Variants in CSMD1 observed in about 807,000 individuals in gnomAD.
CSMD1 encodes the protein CUB and Sushi multiple domains 1, also known as CUB and sushi domain-containing protein 1.
A neutral mutation model predicts 417.5 loss-of-function variants in CSMD1; 213 were observed. The ratio of observed to expected loss-of-function variants is 0.51; its 90% confidence interval spans 0.46 to 0.57. The LOEUF (loss-of-function observed/expected upper bound fraction) is 0.57. Ranked by LOEUF, CSMD1 falls within the 20% of genes least tolerant of loss-of-function variation. The pLI is 0.00. For synonymous variants in CSMD1, 2,862 were observed against 1,736.8 expected (o/e 1.65, Z -16.11); for missense variants, 6,923 against 4,529.7 (o/e 1.53, Z -15.17).
intron 1 of CSMD1, among the ~76,000 whole-genome samples, chr8:4,724,279 C>T (rs1291890794): frequency 6.6e-6 from 1 of 151,948 alleles, no homozygotes; most frequent in Non-Finnish European, 1.5e-5. Context: ...GATATATAAG[C>T]TATGTCAAAT....
intron 5 of CSMD1, among the ~76,000 whole-genome samples, chr8:3,868,753 A>C (rs1563161115): frequency 6.6e-6 from 1 of 152,160 alleles, no homozygotes; most frequent in African/African-American, 2.4e-5. Context: ...ACCCACATCC[A>C]ACACATCAGC....
intron 3 of CSMD1, among the ~76,000 whole-genome samples, chr8:4,055,867 A>G (rs370141507): frequency 1.1e-4 from 17 of 152,100 alleles, no homozygotes; most frequent in Admixed American, 9.2e-4. Context: ...GCTTATTTAA[A>G]CATACCAAAA....
chr8:4,190,480 A>T (rs533750058), intron 3 of CSMD1, among the ~76,000 whole-genome samples: 1 of 152,154 alleles, frequency 6.6e-6, no homozygotes, highest in East Asian at 1.9e-4. Context: ...AGTATTTCGT[A>T]AGTTAACCAA....
intron 11 of CSMD1, among the ~76,000 whole-genome samples, chr8:3,472,990 A>C (rs996943870): frequency 1.3e-5 from 2 of 151,846 alleles, no homozygotes; most frequent in African/African-American, 4.8e-5. Context: ...CACCCACCCC[A>C]CCAAAGTAGG....
chr8:4,384,934 C>T (rs77990713), intron 3 of CSMD1, among the ~76,000 whole-genome samples: 8 of 152,146 alleles, frequency 5.3e-5, no homozygotes, highest in Non-Finnish European at 1.2e-4. Context: ...AGGTAATCAT[C>T]TTCACATCAG....
At chr8:3,955,601 A>G (rs1811887497) in intron 5 of CSMD1, among the ~76,000 whole-genome samples, 1 of 152,096 alleles carries the variant, frequency 6.6e-6, no homozygotes, top group Non-Finnish European at 1.5e-5. Context: ...GCCCTGCTCC[A>G]TTTTGTAGTA....
At chr8:4,256,480 A>G (rs1338722330) in intron 3 of CSMD1, among the ~76,000 whole-genome samples, 2 of 152,240 alleles carry the variant, frequency 1.3e-5, no homozygotes, top group South Asian at 4.1e-4. Flanking sequence ...GAGTACTGGT[A>G]AAGGGAGGTT....
At position 4,419,943 on chromosome 8, in the gene CSMD1, A is replaced by T. The variant is rs775804528; in HGVS notation, c.415+10T>A. 2 of 1,535,950 alleles carry T rather than the reference A, an allele frequency of 1.3e-6. No individual in the cohort carries two copies. Among genetic ancestry groups the T allele is most frequent in the South Asian group, 2.4e-5 (2 of 84,304 alleles). ...GTGAATGCATGTGCAAAACACAACC[A>T]ATCTCCTACCTTCATATAATGCTTT... On this transcript the variant is annotated intron_variant, in intron 3 of 69. Transcript: ENST00000635120.
intron 23 of CSMD1, among the ~76,000 whole-genome samples, chr8:3,341,349 C>T (rs989432253): frequency 1.3e-5 from 2 of 152,164 alleles, no homozygotes; most frequent in African/African-American, 2.4e-5. Context: ...TGATTCCAAG[C>T]CCCTGAAATT....
At chr8:3,562,183 G>C (rs917934286) in intron 10 of CSMD1, among the ~76,000 whole-genome samples, 1 of 152,078 alleles carries the variant, frequency 6.6e-6, no homozygotes, top group Non-Finnish European at 1.5e-5. Flanking sequence ...GGTGGGGAAA[G>C]ATGGAAAGTG....
chr8:4,458,447 GAAGTTA>G (rs1349549051), intron 2 of CSMD1, among the ~76,000 whole-genome samples: 15 of 152,146 alleles, frequency 9.9e-5, no homozygotes, highest in Non-Finnish European at 1.9e-4. Context: ...AAAACAGTCT[GAAGTTA>G]AAGTTATGTG....
intron 3 of CSMD1, among the ~76,000 whole-genome samples, chr8:4,400,951 AATATT>A (rs1412606068): frequency 3.9e-4 from 31 of 79,604 alleles, no homozygotes; most frequent in Non-Finnish European, 5.9e-4. Context: ...TATTTTAGAT[AATATT>A]ATGTCTTATA....
intron 1 of CSMD1, among the ~76,000 whole-genome samples, chr8:4,765,450 A>C (rs926215095): frequency 2.0e-5 from 3 of 152,248 alleles, no homozygotes; most frequent in African/African-American, 7.2e-5. Flanking sequence ...AGCGTAATTC[A>C]ATTAAATGCA....
intron 27 of CSMD1, among the ~76,000 whole-genome samples, chr8:3,228,208 A>T (rs747171711): frequency 3.3e-5 from 5 of 152,328 alleles, no homozygotes; most frequent in African/African-American, 4.8e-5. Context: ...AAATGTCTTC[A>T]GTAAAATGTA....
At chr8:3,828,418 G>T (rs903887768) in intron 5 of CSMD1, among the ~76,000 whole-genome samples, 1 of 151,720 alleles carries the variant, frequency 6.6e-6, no homozygotes, top group Admixed American at 6.6e-5. Context: ...TATTGCAACA[G>T]CCTCTGACTT....
chr8:4,934,342 A>G (rs35253816), intron 1 of CSMD1, among the ~76,000 whole-genome samples: 46,992 of 152,124 alleles, frequency 0.31, 8,202 homozygotes, highest in Non-Finnish European at 0.4. Flanking sequence ...TATGTATTAA[A>G]TTCAAAATTA....
chr8:4,792,569 T>C (rs1003971661), intron 1 of CSMD1, among the ~76,000 whole-genome samples: 4 of 152,170 alleles, frequency 2.6e-5, no homozygotes, highest in Admixed American at 2.6e-4. Context: ...ACTCAACAGT[T>C]GTCAGCACGT....
intron 3 of CSMD1, among the ~76,000 whole-genome samples, chr8:4,403,365 A>C (rs1224082835): frequency 6.6e-6 from 1 of 152,090 alleles, no homozygotes; most frequent in East Asian, 1.9e-4. Flanking sequence ...GGAAGTCTCT[A>C]CTTGACCTCT....
At chr8:4,088,226 C>T (rs1037777150) in intron 3 of CSMD1, among the ~76,000 whole-genome samples, 1 of 152,168 alleles carries the variant, frequency 6.6e-6, no homozygotes, top group Admixed American at 6.5e-5. Flanking sequence ...CTCTGCCTTC[C>T]TGGCTCTCAG....
Sources: allele counts gnomAD v4.1 joint callset (sites outside exome capture counted in the v4.1 genomes callset), GRCh38; gene constraint gnomAD v4.1.1; transcripts MANE v1.5; gene names NCBI Gene and HGNC (gene_info 2026-07-23, HGNC 2026-07-21).